RAD9B: variants seen among roughly 807,000 people sequenced by gnomAD.
RAD9B encodes the protein RAD9 checkpoint clamp component B, also known as cell cycle checkpoint control protein RAD9B.
Under a neutral mutation model 48.3 loss-of-function variants are expected in RAD9B, and 41 were observed. The ratio of observed to expected loss-of-function variants is 0.85; its 90% CI spans 0.66 to 1.10. The LOEUF is 1.10. Ranked by LOEUF, RAD9B falls within the 50% of genes least tolerant of loss-of-function variation. The pLI is 0.00. For synonymous variants in RAD9B, 160 were observed against 157.9 expected (o/e 1.01, Z -0.10); for missense variants, 444 against 485.1 (o/e 0.92, Z 0.80).
chr12:110,513,639 C>T (rs2063525606), intron 5 of RAD9B, among the ~76,000 whole-genome samples: 1 of 150,928 alleles, frequency 6.6e-6, no homozygotes, highest in Non-Finnish European at 1.5e-5. Context: ...TAGCATTAAA[C>T]ATTAATGAAC....
At chr12:110,525,682 GGTAA>G (rs1300040392) in intron 10 of RAD9B, among the ~76,000 whole-genome samples, 1 of 152,010 alleles carries the variant, frequency 6.6e-6, no homozygotes, top group African/African-American at 2.4e-5. Flanking sequence ...TTTAGCAACT[GGTAA>G]GTATTTTGTG....
intron 10 of RAD9B, among the ~76,000 whole-genome samples, chr12:110,529,676 T>G (rs1411257728): frequency 6.6e-6 from 1 of 151,906 alleles, no homozygotes; most frequent in Non-Finnish European, 1.5e-5. Flanking sequence ...CCCAGGAGTT[T>G]GAGGCTGCGG....
At position 110,515,131 on chromosome 12, in the gene RAD9B, C is replaced by G. The variant is rs2063569771; in HGVS notation, c.570C>G (p.Leu190=). The G allele has an allele frequency of 6.4e-7, 1 of 1,550,648 alleles. No individual in the cohort carries two copies. Among genetic ancestry groups the G allele is most frequent in the Non-Finnish European group, 8.7e-7 (1 of 1,144,270 alleles). ...CTGTTACTCCACTGAATTTTTGCCT[C>G]AAGAGTTCTAATGAGGAATCAATGG... ...TLAVTPLNFC[L]KSSNEESMDL... Residue 190 remains leucine (L), a synonymous_variant, in exon 6 of 11, where the codon CTC becomes CTG. Transcript: ENST00000409300.
At chr12:110,521,439 C>T (rs1033498282) in intron 9 of RAD9B, among the ~76,000 whole-genome samples, 6 of 152,138 alleles carry the variant, frequency 3.9e-5, no homozygotes, top group Admixed American at 3.3e-4. Flanking sequence ...CAGATGTGAG[C>T]CACTGCACCC....
At chr12:110,515,603 A>G (rs528222957) in intron 6 of RAD9B, among the ~76,000 whole-genome samples, 45 of 152,262 alleles carry the variant, frequency 3.0e-4, no homozygotes, top group Middle Eastern at 3.4e-3. Flanking sequence ...GGAGGTTGCA[A>G]TGAGCCAAGA....
chr12:110,510,436 G>A (rs2063425041), intron 4 of RAD9B, among the ~76,000 whole-genome samples: 1 of 152,130 alleles, frequency 6.6e-6, no homozygotes, highest in Admixed American at 6.6e-5. Context: ...CTTTGATACC[G>A]GTAGAATGCA....
chr12:110,523,279 T>G (rs1224118640), intron 10 of RAD9B, among the ~76,000 whole-genome samples: 3 of 152,012 alleles, frequency 2.0e-5, no homozygotes, highest in Non-Finnish European at 1.5e-5. Context: ...AACAAAAACT[T>G]AAATATTAGC....
At chr12:110,518,293 G>T (rs2063671777) in intron 6 of RAD9B, among the ~76,000 whole-genome samples, 1 of 152,126 alleles carries the variant, frequency 6.6e-6, no homozygotes, top group Admixed American at 6.6e-5. Flanking sequence ...AGCCCAGGAG[G>T]TCAAGGCTGC....
At chr12:110,516,858 G>T (rs551406371) in intron 6 of RAD9B, among the ~76,000 whole-genome samples, 87 of 151,698 alleles carry the variant, frequency 5.7e-4, no homozygotes, top group African/African-American at 2.1e-3. Flanking sequence ...CTCAATCTTT[G>T]TTCTTACTAC....
chr12:110,510,849 G>T (rs1257220458), intron 4 of RAD9B, among the ~76,000 whole-genome samples: 1 of 152,092 alleles, frequency 6.6e-6, no homozygotes, highest in Non-Finnish European at 1.5e-5. Context: ...AGCTACTGGG[G>T]AGGTTGAGAT....
intron 6 of RAD9B, among the ~76,000 whole-genome samples, chr12:110,517,539 G>A (rs1311950558): frequency 2.0e-5 from 3 of 151,858 alleles, no homozygotes; most frequent in Non-Finnish European, 2.9e-5. Context: ...CAGGAGAATC[G>A]CTAGAATCTG....
chr12:110,527,128 GA>G (rs368884680), intron 10 of RAD9B, among the ~76,000 whole-genome samples: 187 of 152,184 alleles, frequency 1.2e-3, no homozygotes, highest in African/African-American at 4.3e-3. Flanking sequence ...GACTCTGGGG[GA>G]GAATCTGCTT....
At chr12:110,505,493 C>T in intron 2 of RAD9B, 124 bp from the exon 3 acceptor site, 1 of 667,052 alleles carries the variant, frequency 1.5e-6, no homozygotes, top group Non-Finnish European at 2.3e-6. Flanking sequence ...GTTGGCCAGG[C>T]TGGTCTCAGA....
chr12:110,508,565 A>G (rs1363587262), intron 4 of RAD9B, among the ~76,000 whole-genome samples: 1 of 152,252 alleles, frequency 6.6e-6, no homozygotes, highest in Non-Finnish European at 1.5e-5. Context: ...CTTAAAAAAT[A>G]AAGTATTGGC....
intron 10 of RAD9B, among the ~76,000 whole-genome samples, chr12:110,524,348 G>A (rs1027931981): frequency 6.6e-6 from 1 of 152,026 alleles, no homozygotes; most frequent in African/African-American, 2.4e-5. Context: ...AGATCACGAG[G>A]TCAGGAGTTC....
At position 110,531,229 on chromosome 12, in the gene RAD9B, G is replaced by A. The variant is rs966554719; in HGVS notation, c.*576G>A. ...GCTTTTTTAGACGGAGTCTCACTTT[G>A]TCACTCAGGCTCAAGTGCAGTGGTG... On this transcript the variant is annotated 3_prime_UTR_variant, in exon 11 of 11. Coordinates refer to ENST00000409300, the MANE Select transcript of RAD9B (RefSeq NM_001286535.2). 9.5e-6 allele frequency: 8 copies of A among 838,926 alleles called. No homozygotes were observed. The highest frequency in any genetic ancestry group is 5.7e-4 in the Middle Eastern group (1 of 1,750). 52.0% of individuals were successfully genotyped at this position (838,926 alleles called of 1,614,324 possible). A position where few individuals can be genotyped will look rare whatever the true frequency, so the allele number is the denominator to read the frequency against.
intron 4 of RAD9B, chr12:110,511,364 G>C (rs1266104781): frequency 7.2e-6 from 2 of 278,368 alleles, no homozygotes; most frequent in Admixed American, 3.9e-5. Flanking sequence ...TAAAGAAAAT[G>C]TAGTATATAT....
chr12:110,507,419 A>ATATAACACGTATTAAG (rs1428828113), intron 4 of RAD9B, among the ~76,000 whole-genome samples: 1 of 143,142 alleles, frequency 7.0e-6, no homozygotes, highest in African/African-American at 2.5e-5. Flanking sequence ...TAAATATAAT[A>ATATAACACGTATTAAG]TATAATATAT....
chr12:110,506,519 T>G, intron 3 of RAD9B, 60 bp from the exon 4 acceptor site: 1 of 891,850 alleles, frequency 1.1e-6, no homozygotes, highest in Admixed American at 1.8e-5. Flanking sequence ...CATATACTTT[T>G]GTTTCTAAAA....
Sources: allele counts gnomAD v4.1 joint callset (sites outside exome capture counted in the v4.1 genomes callset), GRCh38; gene constraint gnomAD v4.1.1; transcripts MANE v1.5; gene names NCBI Gene and HGNC (gene_info 2026-07-23, HGNC 2026-07-21).